Variants in PTPRD observed in about 807,000 individuals in gnomAD.
PTPRD encodes protein tyrosine phosphatase receptor type D.
In PTPRD, 34 loss-of-function variants were observed where a neutral mutation model predicts 214.5. That is an observed-to-expected ratio of 0.16 (90% CI 0.12 to 0.21). The LOEUF (loss-of-function observed/expected upper bound fraction) is 0.21. Among genes scored for constraint, PTPRD ranks in the 10% least tolerant of loss-of-function variants. The probability of loss-of-function intolerance (pLI) is 1.00; values close to 1 mark genes in which losing one functional copy is unlikely to be tolerated. For synonymous variants in PTPRD, 1,128 were observed against 845.7 expected (o/e 1.33, Z -5.79); for missense variants, 2,545 against 2,398.7 (o/e 1.06, Z -1.27).
rs61361264 is a variant in PTPRD at position 10,190,585 on chromosome 9, G to A, written c.-545+150378C>T. ...ATACAAAAACTACCCATGTGTGATG[G>A]TGGGCGCCTGTAATTCCAACTGCTC... On this transcript the variant is annotated intron_variant, in intron 3 of 45. Transcript: ENST00000381196. 7.3e-3 allele frequency among the ~76,000 whole-genome samples: 1,104 copies of A among 151,216 alleles called. 9 individuals carry two copies. Among genetic ancestry groups the A allele is most frequent in the African/African-American group, 0.025 (1,049 of 41,236 alleles).
chr9:9,236,437 G>C (rs767593722), intron 9 of PTPRD, among the ~76,000 whole-genome samples: 1 of 151,694 alleles, frequency 6.6e-6, no homozygotes, highest in Non-Finnish European at 1.5e-5. Context: ...TAGAAACAAA[G>C]TTAAAATTCA....
chr9:8,572,318 A>T (rs1404097248), intron 14 of PTPRD, among the ~76,000 whole-genome samples: 8 of 152,030 alleles, frequency 5.3e-5, no homozygotes, highest in African/African-American at 1.9e-4. Context: ...ACCCTTCCAA[A>T]TATCTTCCAT....
intron 12 of PTPRD, among the ~76,000 whole-genome samples, chr9:8,718,040 C>T (rs2098455076): frequency 6.6e-6 from 1 of 152,180 alleles, no homozygotes; most frequent in South Asian, 2.1e-4. Context: ...TGGATGAAGA[C>T]AGCAGAAAAA....
chr9:9,484,237 T>C (rs574415800), intron 8 of PTPRD, among the ~76,000 whole-genome samples: 1 of 152,142 alleles, frequency 6.6e-6, no homozygotes, highest in African/African-American at 2.4e-5. Flanking sequence ...TGAAACCTTC[T>C]GGTCATGTAA....
chr9:10,487,210 T>A (rs1258485105), intron 2 of PTPRD, among the ~76,000 whole-genome samples: 1 of 152,178 alleles, frequency 6.6e-6, no homozygotes, highest in East Asian at 1.9e-4. Flanking sequence ...GTGTTTCTTA[T>A]AGGCAACAGA....
At chr9:10,433,861 G>T (rs1219578682) in intron 2 of PTPRD, among the ~76,000 whole-genome samples, 4 of 151,636 alleles carry the variant, frequency 2.6e-5, no homozygotes, top group South Asian at 2.1e-4. Flanking sequence ...GGAATCTATA[G>T]GTTCTTTTAG....
At chr9:9,565,575 CT>C (rs2084265476) in intron 8 of PTPRD, among the ~76,000 whole-genome samples, 1 of 151,694 alleles carries the variant, frequency 6.6e-6, no homozygotes, top group African/African-American at 2.4e-5. Flanking sequence ...TATAAAAATG[CT>C]TTTAATATTT....
intron 2 of PTPRD, among the ~76,000 whole-genome samples, chr9:10,352,639 T>C (rs10809075): frequency 0.28 from 42,627 of 151,972 alleles, 7,316 homozygotes; most frequent in African/African-American, 0.49. Flanking sequence ...TAATTGAATG[T>C]ATTGCTTGTT....
chr9:9,270,072 T>A (rs1328725405), intron 9 of PTPRD, among the ~76,000 whole-genome samples: 1 of 151,052 alleles, frequency 6.6e-6, no homozygotes, highest in East Asian at 2.0e-4. Context: ...AGAAATTAGA[T>A]CTGATGTATT....
intron 4 of PTPRD, among the ~76,000 whole-genome samples, chr9:10,026,087 G>C (rs114980247): frequency 2.7e-3 from 413 of 152,266 alleles, no homozygotes; most frequent in African/African-American, 9.0e-3. Flanking sequence ...GGTGTTTCTG[G>C]AGAAACCACA....
At position 8,389,338 on chromosome 9, in the gene PTPRD, G is replaced by A. The variant is rs1564475538; in HGVS notation, c.4280C>T (p.Ala1427Val). The change falls in exon 37 of 46, where the codon GCA (alanine) becomes GTA (valine). Residue 1427 changes from alanine to valine, a missense_variant. Coordinates refer to ENST00000381196, the MANE Select transcript of PTPRD (RefSeq NM_002839.4). ...TGTTTCGGGGAGAGATCCCTGTGTT[G>A]CAATATAGGCATTTTGCTTCCTATA... ...DGYRKQNAYIATQGSLPETFG... is the reference protein window; with the variant it reads ...DGYRKQNAYIVTQGSLPETFG... 1.4e-5 allele frequency: 23 copies of A among 1,612,932 alleles called. No homozygotes were observed. The highest frequency in any genetic ancestry group is 2.0e-5 in the Non-Finnish European group (23 of 1,179,326).
intron 8 of PTPRD, among the ~76,000 whole-genome samples, chr9:9,565,544 T>C (rs1234134313): frequency 1.3e-5 from 2 of 151,902 alleles, no homozygotes. Context: ...TTGTTATTTA[T>C]ATTGCAAGAC....
At chr9:9,102,473 G>A (rs1206411200) in intron 10 of PTPRD, among the ~76,000 whole-genome samples, 11 of 152,118 alleles carry the variant, frequency 7.2e-5, no homozygotes, top group Non-Finnish European at 1.5e-5. Context: ...GGGGTAGAGA[G>A]AGGTGGCCTT....
At chr9:9,236,780 A>C (rs2099967022) in intron 9 of PTPRD, among the ~76,000 whole-genome samples, 1 of 151,836 alleles carries the variant, frequency 6.6e-6, no homozygotes, top group Non-Finnish European at 1.5e-5. Flanking sequence ...GCCAACCATA[A>C]GGTTGGGACC....
rs2098137304 is a variant in PTPRD, at chr9:9,728,874, ATTTG to A, written c.-287+5655_-287+5658del. Among the ~76,000 whole-genome samples the A allele has an allele frequency of 5.3e-5, 8 of 152,166 alleles. No homozygotes were observed. In the South Asian group the frequency reaches 1.7e-3, roughly 32 times the overall value. Reference sequence around the variant, plus strand: ...ATGTTTTTTTAGTTTATCTAGTGACATTTGTTAAGTGATTCATAGTTGATTTTTA... The same window carrying A: ...ATGTTTTTTTAGTTTATCTAGTGACATTAAGTGATTCATAGTTGATTTTTA... On this transcript the variant is annotated intron_variant, in intron 7 of 45. Coordinates refer to ENST00000381196, the MANE Select transcript of PTPRD (RefSeq NM_002839.4).
chr9:9,972,681 G>C (rs1014640249), intron 4 of PTPRD, among the ~76,000 whole-genome samples: 20 of 152,140 alleles, frequency 1.3e-4, no homozygotes, highest in African/African-American at 4.8e-4. Context: ...TGTCAGCAAA[G>C]CTGGTTCTTT....
At chr9:9,810,509 G>C (rs1050537299) in intron 5 of PTPRD, among the ~76,000 whole-genome samples, 2 of 151,664 alleles carry the variant, frequency 1.3e-5, no homozygotes, top group Admixed American at 1.3e-4. Context: ...TACTCTGTCG[G>C]TGCTCTAGAA....
At chr9:9,397,823 C>G (rs2068493793) in intron 8 of PTPRD, among the ~76,000 whole-genome samples, 1 of 151,934 alleles carries the variant, frequency 6.6e-6, no homozygotes. Context: ...GGTCCTGGCA[C>G]AAACACAATC....
At chr9:9,664,102 A>T (rs1300148190) in intron 7 of PTPRD, among the ~76,000 whole-genome samples, 1 of 150,680 alleles carries the variant, frequency 6.6e-6, no homozygotes, top group Non-Finnish European at 1.5e-5. Context: ...AAAAAAAAAA[A>T]AAAAAGAAGT....
Sources: allele counts gnomAD v4.1 joint callset (sites outside exome capture counted in the v4.1 genomes callset), GRCh38; gene constraint gnomAD v4.1.1; transcripts MANE v1.5; gene names NCBI Gene and HGNC (gene_info 2026-07-23, HGNC 2026-07-21).